Variants in SEPTIN8 observed in about 807,000 individuals in gnomAD.
SEPTIN8 encodes septin-8.
Under a neutral mutation model 53.1 loss-of-function variants are expected in SEPTIN8, and 22 were observed. The observed-to-expected ratio is 0.41, with a 90% confidence interval of 0.30 to 0.59. The LOEUF (loss-of-function observed/expected upper bound fraction) is 0.59. Among genes scored for constraint, SEPTIN8 ranks in the 20% least tolerant of loss-of-function variants. SEPTIN8 has a pLI of 0.24. For missense variants in SEPTIN8, 536 were observed against 638.7 expected, an observed-to-expected ratio of 0.84 and a Z score of 1.73; for synonymous variants, 228 against 248.4, an observed-to-expected ratio of 0.92 and a Z score of 0.77.
intron 9 of SEPTIN8, chr5:132,756,016 C>T (rs983990860): frequency 3.0e-6 from 3 of 984,894 alleles, no homozygotes; most frequent in African/African-American, 3.5e-5. Context: ...AAAATAAATG[C>T]AAAATTTAAT....
Position 132,761,282 on chromosome 5 carries a change from A to G in SEPTIN8, c.963-17T>C, listed in dbSNP as rs1379469800. 1 of 1,612,326 alleles carries G rather than the reference A, an allele frequency of 6.2e-7. No homozygotes were observed. The highest frequency in any genetic ancestry group is 1.7e-5 in the Admixed American group (1 of 60,008). ...TCTTGTAGGCTGTGGAGACCCAGAG[A>G]AAAGAGGCCAAGGATGGGATTATGA... On this transcript the variant is annotated splice_polypyrimidine_tract_variant and intron_variant, in intron 7 of 9. Transcript: ENST00000378719. This position sits in a 1 kb window ranked among gnomAD's most constrained non-coding sequence, Gnocchi z 5.8.
chr5:132,775,506 C>T (rs974249998), intron 1 of SEPTIN8, among the ~76,000 whole-genome samples: 6 of 152,188 alleles, frequency 3.9e-5, no homozygotes, highest in African/African-American at 7.2e-5. Flanking sequence ...TCCCATTATA[C>T]GCATGAGAGC....
intron 1 of SEPTIN8, among the ~76,000 whole-genome samples, chr5:132,775,243 C>G (rs1310038574): frequency 6.6e-6 from 1 of 152,236 alleles, no homozygotes; most frequent in African/African-American, 2.4e-5. Flanking sequence ...ACAGCATGGC[C>G]TCTCAGCTAA....
intron 9 of SEPTIN8, chr5:132,755,959 C>CTT (rs3214219): frequency 0.17 from 167,621 of 983,064 alleles, 29,797 homozygotes; most frequent in African/African-American, 0.82. Context: ...GCTCAGGAAA[C>CTT]GTTAAATCAG....
At chr5:132,755,950 C>T (rs1755289115) in intron 9 of SEPTIN8, 1 of 949,308 alleles carries the variant, frequency 1.1e-6, no homozygotes, top group Non-Finnish European at 1.2e-6. Flanking sequence ...GATTAATGGG[C>T]TCAGGAAACG....
chr5:132,760,447 C>CA lies in SEPTIN8; in HGVS notation c.1286+354dup, dbSNP rs1416853054. ...CACGCTGCAACAGGGCCACAGCTGC[C>CA]AAGGGGGCTATGGGAGAGCGAATGG... On this transcript the variant is annotated intron_variant, in intron 9 of 9. Coordinates refer to ENST00000378719, the MANE Select transcript of SEPTIN8 (RefSeq NM_001098811.2). This position sits in a 1 kb window ranked among gnomAD's most constrained non-coding sequence, Gnocchi z 5.2. Among the ~76,000 whole-genome samples the CA allele has an allele frequency of 1.3e-5, 2 of 151,908 alleles. No homozygotes were observed. Among genetic ancestry groups the CA allele is most frequent in the Non-Finnish European group, 2.9e-5 (2 of 68,010 alleles).
rs55661767 is a variant in SEPTIN8 at position 132,770,032 on chromosome 5, T to C, written c.31-4503A>G. On this transcript the variant is annotated intron_variant, in intron 1 of 9. Coordinates refer to ENST00000378719, the MANE Select transcript of SEPTIN8 (RefSeq NM_001098811.2). ...ATATATATATATATATACACACACA[T>C]ATATATATATGTGTGTGTGTGTGTG... Among the ~76,000 whole-genome samples the C allele has an allele frequency of 8.0e-3, 425 of 53,054 alleles. 6 individuals carry two copies. Among genetic ancestry groups the C allele is most frequent in the African/African-American group, 0.066 (373 of 5,650 alleles). The allele number at this position is 53,054 out of a possible 152,430, so 34.8% of individuals were successfully genotyped here.
chr5:132,765,009 T>A (rs1186528484), intron 2 of SEPTIN8, among the ~76,000 whole-genome samples: 1 of 151,940 alleles, frequency 6.6e-6, no homozygotes, highest in Non-Finnish European at 1.5e-5. Flanking sequence ...TTTGTTCACA[T>A]GCGTGCTGGA....
rs1419689129 is a variant in SEPTIN8 at position 132,770,039 on chromosome 5, ATATGTG to A, written c.31-4516_31-4511del. Among the ~76,000 whole-genome samples, 13 of 88,436 alleles carry A rather than the reference ATATGTG, an allele frequency of 1.5e-4. No homozygotes were observed. The South Asian group carries it at 3.6e-3, about 25-fold the overall frequency. The allele number at this position is 88,436 out of a possible 152,430, so 58.0% of individuals were successfully genotyped here. The stretch of plus-strand genomic sequence containing the variant: ...TATATATATACACACACATATATAT[ATATGTG>A]TGTGTGTGTGTGTGTGTGTATATAT... On this transcript the variant is annotated intron_variant, in intron 1 of 9. Transcript: ENST00000378719.
In SEPTIN8 at chr5:132,764,205, C is replaced by T. The variant is rs766488641; in HGVS notation, c.347+19G>A. 20 of 1,596,752 alleles carry T rather than the reference C, an allele frequency of 1.3e-5. No homozygotes were observed. The highest frequency in any genetic ancestry group is 2.2e-5 in the East Asian group (1 of 44,734). On this transcript the variant is annotated intron_variant, in intron 3 of 9. Coordinates refer to ENST00000378719, the MANE Select transcript of SEPTIN8 (RefSeq NM_001098811.2). ...GGGGTGGGAGGAGGCTGGGTGGGGCCGCCCTTCCCGCCTCTTGCCTCTCAT... is the reference window on the plus strand; with the variant it reads ...GGGGTGGGAGGAGGCTGGGTGGGGCTGCCCTTCCCGCCTCTTGCCTCTCAT...
rs772802684 is a variant in SEPTIN8 at position 132,763,698 on chromosome 5, AG to A, written c.534+7del. The A allele has an allele frequency of 1.2e-6, 2 of 1,612,282 alleles. No homozygotes were observed. Among genetic ancestry groups the A allele is most frequent in the African/African-American group, 2.7e-5 (2 of 74,892 alleles). ...GGAGCCTGTGACAGCAGGTGGGGACAGGGATACCTTGCTGTCTAGTTTCTTC... is the reference window on the plus strand; with the variant it reads ...GGAGCCTGTGACAGCAGGTGGGGACAGGATACCTTGCTGTCTAGTTTCTTC... On this transcript the variant is annotated splice_region_variant and intron_variant, in intron 4 of 9. Transcript: ENST00000378719.
chr5:132,775,080 G>C (rs1465957304), intron 1 of SEPTIN8, among the ~76,000 whole-genome samples: 2 of 152,154 alleles, frequency 1.3e-5, no homozygotes, highest in Admixed American at 6.5e-5. Flanking sequence ...GCTGAAGCTG[G>C]CATAGCAACC....
intron 1 of SEPTIN8, among the ~76,000 whole-genome samples, chr5:132,771,031 C>T (rs529313608): frequency 7.6e-4 from 116 of 152,300 alleles, no homozygotes; most frequent in African/African-American, 2.6e-3. Context: ...GCCTCCATGC[C>T]CGGCCGTCCA....
rs571149963 is a variant in SEPTIN8, at chr5:132,759,035, T to A, written c.1286+1767A>T. ...GATTGGGAAGTAATTTTGCAAAAAA[T>A]TTGGATTCAAATTTAAAGAGTATGC... On this transcript the variant is annotated intron_variant, in intron 9 of 9. Transcript: ENST00000378719. The A allele has an allele frequency of 2.6e-5, 18 of 703,136 alleles. No individual in the cohort carries two copies. In the East Asian group the frequency reaches 3.9e-4, roughly 15 times the overall value. The allele number at this position is 703,136 out of a possible 1,614,324, so 43.6% of individuals were successfully genotyped here.
At position 132,751,554 on chromosome 5, in the gene SEPTIN8, A is replaced by AT. The variant is rs753990750; in HGVS notation, c.*461dup. On this transcript the variant is annotated 3_prime_UTR_variant, in exon 10 of 10. Coordinates refer to ENST00000378719, the MANE Select transcript of SEPTIN8 (RefSeq NM_001098811.2). The stretch of plus-strand genomic sequence containing the variant: ...ATGGGGTTTTGGTTTGTTATGAAGC[A>AT]TGAAGATTAAATTACTAAAGACTGT... 1 of 229,286 alleles carries AT rather than the reference A, an allele frequency of 4.4e-6. No individual in the cohort carries two copies. Among genetic ancestry groups the AT allele is most frequent in the Non-Finnish European group, 8.5e-6 (1 of 117,530 alleles). The allele number at this position is 229,286 out of a possible 1,614,324, so 14.2% of individuals were successfully genotyped here. A position where few individuals can be genotyped will look rare whatever the true frequency, so the allele number is the denominator to read the frequency against.
In SEPTIN8 at chr5:132,756,981, C is replaced by CTT. The variant is rs1463057277; in HGVS notation, c.1286+3819_1286+3820dup. 4.1e-6 allele frequency: 4 copies of CTT among 985,304 alleles called. No homozygotes were observed. The African/African-American group carries it at 7.0e-5, about 17-fold the overall frequency. 61.0% of individuals were successfully genotyped at this position (985,304 alleles called of 1,614,324 possible). ...TCATGCTCTGACCCAACTGCATACA[C>CTT]TTTCAGACATAAAATTACCCTAGAG... is the stretch of plus-strand genomic sequence containing the variant. On this transcript the variant is annotated intron_variant, in intron 9 of 9. Transcript: ENST00000378719.
chr5:132,770,121 ATATG>A (rs1757150958), intron 1 of SEPTIN8, among the ~76,000 whole-genome samples: 1 of 91,360 alleles, frequency 1.1e-5, no homozygotes, highest in Non-Finnish European at 1.7e-5. Flanking sequence ...ATATATATAT[ATATG>A]TATATATGTG....
At chr5:132,778,593 G>A (rs1204138661), upstream of SEPTIN8, among the ~76,000 whole-genome samples, 1 of 152,184 alleles carries the variant, frequency 6.6e-6, no homozygotes, top group Non-Finnish European at 1.5e-5. Flanking sequence ...GCAGAGCAGT[G>A]GTTAGGGTAG....
chr5:132,758,210 G>T, intron 9 of SEPTIN8: 3 of 1,206,226 alleles, frequency 2.5e-6, no homozygotes, highest in Non-Finnish European at 3.1e-6. Flanking sequence ...ACATAAGAAA[G>T]GTTTAGCTGT....
Sources: allele counts gnomAD v4.1 joint callset (sites outside exome capture counted in the v4.1 genomes callset), GRCh38; gene constraint gnomAD v4.1.1; non-coding constraint Gnocchi (gnomAD v3.1); transcripts MANE v1.5; gene names NCBI Gene and HGNC (gene_info 2026-07-23, HGNC 2026-07-21).